The following CCDC30 variants were observed in gnomAD, a reference collection of about 807,000 sequenced individuals.
CCDC30 encodes the protein coiled-coil domain-containing protein 30.
In CCDC30, 70 loss-of-function variants were observed where a neutral mutation model predicts 100.2. The ratio of observed to expected loss-of-function variants is 0.70; its 90% CI spans 0.58 to 0.85. The LOEUF (loss-of-function observed/expected upper bound fraction) is 0.85, where lower values mean the gene tolerates loss of function less well. Ranked by LOEUF, CCDC30 falls within the 40% of genes least tolerant of loss-of-function variation. The pLI is 0.00. For missense variants in CCDC30, 652 were observed against 771.2 expected (o/e 0.85, Z 1.83); for synonymous variants, 233 against 269.5 (o/e 0.86, Z 1.33).
At chr1:42,540,066 G>A (rs376405120) in intron 6 of CCDC30, among the ~76,000 whole-genome samples, 5 of 152,128 alleles carry the variant, frequency 3.3e-5, no homozygotes, top group Admixed American at 6.5e-5. Context: ...TCCTTTCCTC[G>A]ATCACTCTTT....
chr1:42,505,728 T>C (rs1035618085), intron 6 of CCDC30, among the ~76,000 whole-genome samples: 2 of 152,214 alleles, frequency 1.3e-5, no homozygotes, highest in African/African-American at 4.8e-5. Flanking sequence ...GTGAGTTGGG[T>C]GATCCTTTCC....
At chr1:42,531,037 T>C (rs541057063) in intron 6 of CCDC30, among the ~76,000 whole-genome samples, 1 of 152,202 alleles carries the variant, frequency 6.6e-6, no homozygotes. Flanking sequence ...TCATGTTGAA[T>C]TGTAATATTA....
At chr1:42,587,597 A>T (rs1027216772) in intron 9 of CCDC30, among the ~76,000 whole-genome samples, 1 of 152,206 alleles carries the variant, frequency 6.6e-6, no homozygotes, top group Non-Finnish European at 1.5e-5. Flanking sequence ...GAAGAACGAG[A>T]GGTGGAGGGA....
At chr1:42,558,107 T>G (rs771913506) in intron 6 of CCDC30, 1 of 282,828 alleles carries the variant, frequency 3.5e-6, no homozygotes, top group South Asian at 3.0e-5. Context: ...GTTGACTTTC[T>G]TGAAAAATAA....
chr1:42,490,474 G>A (rs1644120585), intron 4 of CCDC30, among the ~76,000 whole-genome samples: 1 of 150,724 alleles, frequency 6.6e-6, no homozygotes, highest in African/African-American at 2.4e-5. Context: ...TTAATAATAT[G>A]CTTTAAAATA....
At chr1:42,602,611 G>A (rs1300752305) in intron 10 of CCDC30, among the ~76,000 whole-genome samples, 1 of 152,170 alleles carries the variant, frequency 6.6e-6, no homozygotes, top group African/African-American at 2.4e-5. Flanking sequence ...ATAGACAATT[G>A]AATAGAACTA....
chr1:42,610,568 C>T (rs1247082583), intron 10 of CCDC30, among the ~76,000 whole-genome samples: 2 of 152,090 alleles, frequency 1.3e-5, no homozygotes, highest in African/African-American at 4.8e-5. Flanking sequence ...GGACTATAGG[C>T]ACACACCACC....
chr1:42,507,296 T>G (rs146298112), intron 6 of CCDC30, among the ~76,000 whole-genome samples: 1 of 152,358 alleles, frequency 6.6e-6, no homozygotes, highest in African/African-American at 2.4e-5. Flanking sequence ...AGGTGAAATC[T>G]TTGCAAACCT....
chr1:42,495,201 T>G lies in CCDC30; in HGVS notation c.242-1897T>G, dbSNP rs1391915145. On this transcript the variant is annotated intron_variant, in intron 4 of 16. Coordinates refer to ENST00000668663, the Ensembl canonical transcript of CCDC30. ...ATAAAAAATGATGAGTTCATGTCCT[T>G]TGTAGGGACATGGATGAAATTGGAA... Among the ~76,000 whole-genome samples the G allele has an allele frequency of 3.0e-3, 457 of 151,382 alleles. 3 individuals carry two copies. Among genetic ancestry groups the G allele is most frequent in the African/African-American group, 0.011 (438 of 41,244 alleles).
chr1:42,573,292 T>A lies in CCDC30; in HGVS notation c.637-3728T>A, dbSNP rs919849955. Reference sequence around the variant, plus strand: ...TAATTTAAGAAGAGAGTATGTGTATTTAGGTTTTTAATTTCTCTCAATATT... The same window carrying A: ...TAATTTAAGAAGAGAGTATGTGTATATAGGTTTTTAATTTCTCTCAATATT... On this transcript the variant is annotated intron_variant, in intron 7 of 16. Coordinates refer to ENST00000668663, the Ensembl canonical transcript of CCDC30. Among the ~76,000 whole-genome samples, 4 of 152,178 alleles carry A rather than the reference T, an allele frequency of 2.6e-5. No homozygotes were observed. In the East Asian group the frequency reaches 7.7e-4, roughly 29 times the overall value.
chr1:42,647,791 A>G (rs1648007761), intron 15 of CCDC30, among the ~76,000 whole-genome samples: 1 of 152,232 alleles, frequency 6.6e-6, no homozygotes. Context: ...CTACACAAAC[A>G]CATGGAAATA....
intron 2 of CCDC30, among the ~76,000 whole-genome samples, chr1:42,481,867 TTAAG>T (rs1255242334): frequency 6.6e-6 from 1 of 152,178 alleles, no homozygotes; most frequent in Non-Finnish European, 1.5e-5. Context: ...ATCCAAATTT[TTAAG>T]TGAGTACAGA....
At chr1:42,653,384 A>G in exon 16 of CCDC30, 2 of 1,601,040 alleles carry the variant, frequency 1.2e-6, no homozygotes, top group Non-Finnish European at 1.7e-6. Flanking sequence ...AGGAAACAAC[A>G]ATTAGTGACA....
At chr1:42,483,154 A>C (rs1358151454) in intron 3 of CCDC30, among the ~76,000 whole-genome samples, 1 of 152,154 alleles carries the variant, frequency 6.6e-6, no homozygotes, top group African/African-American at 2.4e-5. Context: ...GCGTTTGACT[A>C]TATGCAGTAT....
intron 1 of CCDC30, among the ~76,000 whole-genome samples, chr1:42,479,648 A>G (rs1169308983): frequency 2.0e-5 from 3 of 151,992 alleles, no homozygotes; most frequent in East Asian, 3.9e-4. Context: ...AAATACCACA[A>G]GATGGCCAAA....
chr1:42,580,781 A>G (rs1488994532), intron 8 of CCDC30: 5 of 454,420 alleles, frequency 1.1e-5, no homozygotes, highest in African/African-American at 1.0e-4. Flanking sequence ...GATGCTAAGC[A>G]ATATGCTAAT....
chr1:42,646,425 A>C, intron 15 of CCDC30, 108 bp downstream of exon 19: 6 of 1,257,068 alleles, frequency 4.8e-6, no homozygotes, highest in Non-Finnish European at 3.0e-6. Flanking sequence ...GAAAAAGTAA[A>C]ACGGAGGTAG....
At chr1:42,456,654 T>C in the CCDC30 span, 1 of 1,597,694 alleles carries the variant, frequency 6.3e-7, no homozygotes, top group Non-Finnish European at 8.5e-7. Flanking sequence ...GCGGCCAGGC[T>C]GGGCGCGCAG....
intron 3 of CCDC30, among the ~76,000 whole-genome samples, chr1:42,489,470 C>G (rs190585076): frequency 1.5e-4 from 23 of 152,258 alleles, no homozygotes; most frequent in Non-Finnish European, 2.5e-4. Context: ...AATAATAAAA[C>G]CTTCACAATT....
Sources: gnomAD v4.1 joint callset for allele counts (sites outside exome capture counted in the v4.1 genomes callset) on GRCh38, gnomAD v4.1.1 for gene constraint, MANE v1.5 for transcripts, NCBI Gene and HGNC (gene_info 2026-07-23, HGNC 2026-07-21) for gene names.